CDK11B: variants seen among roughly 807,000 people sequenced by gnomAD.
CDK11B encodes cyclin-dependent kinase 11B.
CDK11B carries 37 observed loss-of-function variants against 84.0 expected under a neutral mutation model. That is an observed-to-expected ratio of 0.44 (90% CI 0.34 to 0.58). The LOEUF (loss-of-function observed/expected upper bound fraction) is 0.58, where lower values mean the gene tolerates loss of function less well. CDK11B is among the 20% of genes least tolerant of loss of function. The probability of loss-of-function intolerance (pLI) is 0.02; values close to 1 mark genes in which losing one functional copy is unlikely to be tolerated. For synonymous variants in CDK11B, 269 were observed against 309.8 expected (o/e 0.87, Z 1.38); for missense variants, 427 against 834.0 (o/e 0.51, Z 6.01).
In CDK11B at chr1:1,649,423, A is replaced by C. The variant is rs1243397242; in HGVS notation, c.494+76T>G. 4.3e-6 allele frequency: 5 copies of C among 1,175,942 alleles called. No homozygotes were observed. In the Admixed American group the frequency reaches 7.2e-5, roughly 17 times the overall value. The allele number at this position is 1,175,942 out of a possible 1,614,324, so 72.8% of individuals were successfully genotyped here. A position where few individuals can be genotyped will look rare whatever the true frequency, so the allele number is the denominator to read the frequency against. On this transcript the variant is annotated intron_variant, in intron 5 of 19. Transcript: ENST00000341832. ...GCTCAGATGTGACTTCTATTGCCAAATTCTTCTTCATTTCTAGGATGGGAC... is the reference window on the plus strand; with the variant it reads ...GCTCAGATGTGACTTCTATTGCCAACTTCTTCTTCATTTCTAGGATGGGAC...
chr1:1,647,454 A>G (rs1317107274), intron 5 of CDK11B, among the ~76,000 whole-genome samples: 1 of 152,238 alleles, frequency 6.6e-6, no homozygotes, highest in East Asian at 1.9e-4. Context: ...TTAATTTTCA[A>G]CCTTGGCTTC....
At position 1,653,848 on chromosome 1, in the gene CDK11B, AC is replaced by A. The variant is rs1642354531; in HGVS notation, c.228-1283del. Among the ~76,000 whole-genome samples, 1,132 of 149,988 alleles carry A rather than the reference AC, an allele frequency of 7.5e-3. 13 individuals carry two copies. Among genetic ancestry groups the A allele is most frequent in the African/African-American group, 0.026 (1,063 of 40,588 alleles). ...AATACACACACACACACACACACAC[AC>A]ACACACACACACACCCGAGCGTGGT... On this transcript the variant is annotated intron_variant, in intron 3 of 19. Transcript: ENST00000341832.
At chr1:1,636,622 G>A in intron 17 of CDK11B, 60 bp downstream of exon 17, 1 of 1,609,274 alleles carries the variant, frequency 6.2e-7, no homozygotes, top group South Asian at 1.1e-5. Context: ...GCGCCCCGCA[G>A]CCCCATTCCT....
intron 3 of CDK11B, among the ~76,000 whole-genome samples, chr1:1,653,856 AC>A (rs1642360709): frequency 0.012 from 1,805 of 150,492 alleles, 51 homozygotes; most frequent in African/African-American, 0.041. Context: ...ACACACACAC[AC>A]ACACACCCGA....
Position 1,649,654 on chromosome 1 carries a change from T to C in CDK11B, c.356-17A>G, listed in dbSNP as rs1189987049. On this transcript the variant is annotated splice_polypyrimidine_tract_variant and intron_variant, in intron 4 of 19. Coordinates refer to ENST00000341832, the MANE Select transcript of CDK11B (RefSeq NM_033486.3). ...CATGCTTCCCTAATGAGAAATAAAGTGTCATGCAAAGAAACCTCACTTCAA... is the reference window on the plus strand; with the variant it reads ...CATGCTTCCCTAATGAGAAATAAAGCGTCATGCAAAGAAACCTCACTTCAA... 3.0e-4 allele frequency: 483 copies of C among 1,609,026 alleles called. 4 individuals carry two copies. In the African/African-American group the frequency reaches 4.9e-3, roughly 16 times the overall value.
At chr1:1,640,637 C>CA (rs1389523090) in intron 10 of CDK11B, among the ~76,000 whole-genome samples, 185 bp from the exon 11 acceptor site, 1 of 152,014 alleles carries the variant, frequency 6.6e-6, no homozygotes, top group African/African-American at 2.4e-5. Flanking sequence ...TCGGCTGAGA[C>CA]AGAGCCCGGA....
chr1:1,643,432 A>T (rs1640551278), intron 6 of CDK11B, among the ~76,000 whole-genome samples: 1 of 151,642 alleles, frequency 6.6e-6, no homozygotes, highest in African/African-American at 2.4e-5. Flanking sequence ...TTTGACTAAG[A>T]AAAACACAAG....
chr1:1,637,356 C>A, intron 14 of CDK11B, 52 bp downstream of exon 14: 1 of 1,593,450 alleles, frequency 6.3e-7, no homozygotes, highest in Non-Finnish European at 8.5e-7. Flanking sequence ...CGGGGGTGAC[C>A]AGGACCCTGC....
chr1:1,638,703 G>C (rs1444954796), intron 11 of CDK11B, 113 bp from the exon 12 acceptor site: 2 of 1,150,028 alleles, frequency 1.7e-6, no homozygotes, highest in Non-Finnish European at 2.6e-6. Flanking sequence ...GCAGAGCCTT[G>C]GGACTGGGCC....
At chr1:1,638,138 C>G in intron 12 of CDK11B, among the ~76,000 whole-genome samples, 1 of 152,024 alleles carries the variant, frequency 6.6e-6, no homozygotes. Context: ...GCGGCCACGC[C>G]GACTCCACAT....
intron 6 of CDK11B, among the ~76,000 whole-genome samples, chr1:1,644,922 G>A (rs2100815024): frequency 6.7e-6 from 1 of 148,880 alleles, no homozygotes; most frequent in East Asian, 1.9e-4. Context: ...GAACCCGGGA[G>A]GCAGAGGGTG....
chr1:1,636,362 G>C lies in CDK11B; in HGVS notation c.2037C>G (p.Leu679=), dbSNP rs758633111. The C allele has an allele frequency of 2.5e-6, 4 of 1,593,266 alleles. No homozygotes were observed. Among genetic ancestry groups the C allele is most frequent in the Non-Finnish European group, 3.4e-6 (4 of 1,169,590 alleles). The change falls in exon 18 of 20, where the codon CTC becomes CTG. Residue 679 remains leucine, a synonymous_variant. Coordinates refer to ENST00000341832, the MANE Select transcript of CDK11B (RefSeq NM_033486.3). Reference sequence around the variant, plus strand: ...TCATGAGGTCGAAGCCCTGGTCTGAGAGCAGAGCCCCGAAGCGCTTGCGGA... The same window carrying C: ...TCATGAGGTCGAAGCCCTGGTCTGACAGCAGAGCCCCGAAGCGCTTGCGGA... ...NNLRKRFGAL[L]SDQGFDLMNK...
At chr1:1,648,252 T>C (rs1299151476) in intron 5 of CDK11B, among the ~76,000 whole-genome samples, 1 of 152,206 alleles carries the variant, frequency 6.6e-6, no homozygotes, top group African/African-American at 2.4e-5. Flanking sequence ...CAGCCCAAAT[T>C]TCATCTACCA....
rs535034304 is a variant in CDK11B at position 1,644,920 on chromosome 1, G to C, written c.631+206C>G. On this transcript the variant is annotated intron_variant, in intron 6 of 19. Transcript: ENST00000341832. ...AGGCAGGAGGATCACTTGAACCCGG[G>C]AGGCAGAGGGTGCAGTGAGCCGAGA... 3.1e-3 allele frequency among the ~76,000 whole-genome samples: 465 copies of C among 148,512 alleles called. 16 individuals are homozygous for C. Among genetic ancestry groups the C allele is most frequent in the African/African-American group, 0.012 (445 of 38,420 alleles).
In CDK11B at chr1:1,636,379, G is replaced by C. The variant is rs1557652895; in HGVS notation, c.2020C>G (p.Arg674Gly). ...TGGTCTGAGAGCAGAGCCCCGAAGC[G>C]CTTGCGGAGGTTGTTGTAGGGGTGC... is the stretch of plus-strand genomic sequence containing the variant. ...SEHPYNNLRK[R>G]FGALLSDQGF... is the part of the protein sequence containing the mutation. Residue 674 changes from arginine (R) to glycine (G), a missense_variant, in exon 18 of 20, where the codon CGC becomes GGC. This residue lies in a region of CDK11B where 170 missense variants were observed against 196.0 expected (regional missense o/e 0.87). Transcript: ENST00000341832. The C allele has an allele frequency of 6.2e-7, 1 of 1,605,248 alleles. No individual in the cohort carries two copies. The highest frequency in any genetic ancestry group is 1.3e-5 in the African/African-American group (1 of 74,872).
At chr1:1,640,238 C>T in intron 11 of CDK11B, 39 bp downstream of exon 11, 1 of 1,608,742 alleles carries the variant, frequency 6.2e-7, no homozygotes, top group Non-Finnish European at 8.5e-7. Flanking sequence ...CTCCGACTGC[C>T]AATGCGGACA....
At chr1:1,658,455 C>A (rs1167114843) in intron 1 of CDK11B, among the ~76,000 whole-genome samples, 32 of 149,182 alleles carry the variant, frequency 2.1e-4, no homozygotes, top group Non-Finnish European at 4.3e-4. Context: ...ACAACACCTA[C>A]GTGATAGTAT....
chr1:1,650,425 G>A (rs1204994295), intron 4 of CDK11B, among the ~76,000 whole-genome samples: 3 of 143,592 alleles, frequency 2.1e-5, no homozygotes, highest in Admixed American at 1.4e-4. Context: ...GAGTGCAGTG[G>A]CGCAATCTCG....
intron 4 of CDK11B, among the ~76,000 whole-genome samples, chr1:1,650,410 G>C (rs1173114556): frequency 3.8e-5 from 5 of 131,676 alleles, no homozygotes; most frequent in African/African-American, 1.5e-4. Flanking sequence ...CTGTCGCCCA[G>C]GCTGGAGTGC....
Sources: allele counts gnomAD v4.1 joint callset (sites outside exome capture counted in the v4.1 genomes callset), GRCh38; gene constraint gnomAD v4.1.1; regional missense constraint gnomAD v4.1.1; transcripts MANE v1.5; gene names NCBI Gene and HGNC (gene_info 2026-07-23, HGNC 2026-07-21).